Variants in ADD1 observed in about 807,000 individuals in gnomAD.
ADD1 encodes alpha-adducin.
A neutral mutation model predicts 80.5 loss-of-function variants in ADD1; 24 were observed. The observed-to-expected ratio is 0.30, with a 90% CI of 0.22 to 0.42. ADD1 has a LOEUF of 0.42. ADD1 is among the 10% of genes least tolerant of loss of function. ADD1 has a pLI of 1.00. For synonymous variants in ADD1, 373 were observed against 393.8 expected, an observed-to-expected ratio of 0.95 and a Z score of 0.63; for missense variants, 948 against 1,019.0, an observed-to-expected ratio of 0.93 and a Z score of 0.95.
At chr4:2,880,624 C>T (rs1022034839) in intron 2 of ADD1, among the ~76,000 whole-genome samples, 1 of 151,592 alleles carries the variant, frequency 6.6e-6, no homozygotes, top group Non-Finnish European at 1.5e-5. Context: ...TACAGGCGCC[C>T]ACCACCACGC....
At chr4:2,915,159 A>C in intron 14 of ADD1, 119 bp downstream of exon 14, 3 of 1,145,972 alleles carry the variant, frequency 2.6e-6, no homozygotes, top group Non-Finnish European at 3.6e-6. Context: ...CATCAAAGAC[A>C]AACCAGAACT....
intron 2 of ADD1, among the ~76,000 whole-genome samples, chr4:2,880,669 G>A (rs1732156565): frequency 6.6e-6 from 1 of 151,726 alleles, no homozygotes; most frequent in African/African-American, 2.4e-5. Context: ...TAGAGACGGG[G>A]TTTCACCATG....
At chr4:2,927,739 T>C (rs1032557850) in intron 15 of ADD1, among the ~76,000 whole-genome samples, 1 of 152,240 alleles carries the variant, frequency 6.6e-6, no homozygotes, top group Non-Finnish European at 1.5e-5. Flanking sequence ...TACTGGCTGT[T>C]TTGGGGGAGA....
intron 9 of ADD1, among the ~76,000 whole-genome samples, chr4:2,903,632 A>T (rs1043953060): frequency 6.6e-6 from 1 of 152,096 alleles, no homozygotes; most frequent in Non-Finnish European, 1.5e-5. Context: ...TAGGTGCTAA[A>T]CTCTTCTGTG....
chr4:2,894,521 A>AG (rs1197949785), intron 5 of ADD1, 61 bp from the exon 6 acceptor site: 19 of 1,505,196 alleles, frequency 1.3e-5, no homozygotes, highest in South Asian at 1.1e-4. Context: ...AAAAAAAAAA[A>AG]AAAAGAAAAG....
chr4:2,846,726 C>T (rs1453007227), intron 1 of ADD1, among the ~76,000 whole-genome samples: 1 of 151,272 alleles, frequency 6.6e-6, no homozygotes, highest in Non-Finnish European at 1.5e-5. Context: ...ATCGTAGCTG[C>T]TCCTGAGGCT....
chr4:2,910,173 C>T (rs1269299841), intron 13 of ADD1, among the ~76,000 whole-genome samples: 3 of 149,814 alleles, frequency 2.0e-5, no homozygotes, highest in Non-Finnish European at 3.0e-5. Flanking sequence ...GTTGGTGCCA[C>T]GCAGAAAGGG....
intron 14 of ADD1, among the ~76,000 whole-genome samples, chr4:2,921,850 C>T (rs1740103586): frequency 6.6e-6 from 1 of 151,782 alleles, no homozygotes; most frequent in Non-Finnish European, 1.5e-5. Context: ...ATTCTTTTTT[C>T]TTTTAATCTT....
At chr4:2,915,317 C>T (rs1025680584) in intron 14 of ADD1, among the ~76,000 whole-genome samples, 1 of 152,150 alleles carries the variant, frequency 6.6e-6, no homozygotes, top group African/African-American at 2.4e-5. Flanking sequence ...ACCAACCTGA[C>T]CAACATGGAG....
At chr4:2,900,249 C>T (rs1735952417) in intron 9 of ADD1, 1 of 152,558 alleles carries the variant, frequency 6.6e-6, no homozygotes, top group Non-Finnish European at 1.5e-5. Flanking sequence ...CTTGACTTTA[C>T]CAGGATCATT....
intron 9 of ADD1, among the ~76,000 whole-genome samples, chr4:2,903,630 A>G (rs570002737): frequency 5.2e-5 from 8 of 152,382 alleles, no homozygotes; most frequent in African/African-American, 1.9e-4. Flanking sequence ...GATAGGTGCT[A>G]AACTCTTCTG....
intron 6 of ADD1, 53 bp downstream of exon 6, chr4:2,894,784 C>T: frequency 6.5e-7 from 1 of 1,538,194 alleles, no homozygotes; most frequent in Non-Finnish European, 8.7e-7. Context: ...GAGTGAAAGG[C>T]ACTGCACGTT....
intron 1 of ADD1, among the ~76,000 whole-genome samples, chr4:2,863,045 T>C (rs1232493766): frequency 1.3e-5 from 2 of 152,016 alleles, no homozygotes; most frequent in Non-Finnish European, 2.9e-5. Flanking sequence ...ACCTCAGTAC[T>C]GTCATGCCTA....
chr4:2,887,472 A>G (rs1399683863), intron 4 of ADD1: 2 of 140,286 alleles, frequency 1.4e-5, no homozygotes, highest in Non-Finnish European at 3.1e-5. Flanking sequence ...GAGGGGGACA[A>G]GACGGGGTGG....
intron 1 of ADD1, among the ~76,000 whole-genome samples, chr4:2,856,521 T>C (rs1199284520): frequency 1.3e-5 from 2 of 152,148 alleles, no homozygotes; most frequent in Non-Finnish European, 2.9e-5. Context: ...CCATTTTCTT[T>C]TGGAATATTT....
chr4:2,896,533 T>G (rs1189456206), intron 6 of ADD1, among the ~76,000 whole-genome samples: 4 of 152,130 alleles, frequency 2.6e-5, no homozygotes, highest in Non-Finnish European at 5.9e-5. Flanking sequence ...TAATGTCATG[T>G]GTGTTGGATT....
intron 14 of ADD1, among the ~76,000 whole-genome samples, chr4:2,915,563 C>T (rs967949723): frequency 7.2e-5 from 11 of 152,144 alleles, no homozygotes; most frequent in Admixed American, 7.2e-4. Context: ...ATGGCGTGAA[C>T]GTGGAAGGCA....
intron 1 of ADD1, among the ~76,000 whole-genome samples, chr4:2,855,723 C>G (rs912430441): frequency 6.6e-6 from 1 of 150,940 alleles, no homozygotes; most frequent in African/African-American, 2.4e-5. Context: ...TTTTTTGAGA[C>G]AGGTTCTCAC....
rs569053450 is a variant in ADD1 at position 2,856,401 on chromosome 4, C to G, written c.-21+12377C>G. On this transcript the variant is annotated intron_variant, in intron 1 of 15. Transcript: ENST00000683351. ...TAGAATTTTCTTTTCTTTATTTTGG[C>G]CTTGGCTATTCTGCATATTCATTAC... 3.3e-4 allele frequency among the ~76,000 whole-genome samples: 50 copies of G among 151,938 alleles called. No homozygotes were observed. In the South Asian group the frequency reaches 3.9e-3, roughly 12 times the overall value.
Sources: allele counts gnomAD v4.1 joint callset (sites outside exome capture counted in the v4.1 genomes callset), GRCh38; gene constraint gnomAD v4.1.1; transcripts MANE v1.5; gene names NCBI Gene and HGNC (gene_info 2026-07-23, HGNC 2026-07-21).